Variants in PTPRD observed in about 807,000 individuals in gnomAD.
PTPRD encodes the protein protein tyrosine phosphatase receptor type D.
In PTPRD, 34 loss-of-function variants were observed where a neutral mutation model predicts 214.5. The observed-to-expected ratio is 0.16, with a 90% CI of 0.12 to 0.21. The LOEUF (loss-of-function observed/expected upper bound fraction) is 0.21, where lower values mean the gene tolerates loss of function less well. PTPRD is among the 10% of genes least tolerant of loss of function. The probability of loss-of-function intolerance (pLI) is 1.00; values close to 1 mark genes in which losing one functional copy is unlikely to be tolerated. For synonymous variants in PTPRD, 1,128 were observed against 845.7 expected, an observed-to-expected ratio of 1.33 and a Z score of -5.79; for missense variants, 2,545 against 2,398.7, an observed-to-expected ratio of 1.06 and a Z score of -1.27.
chr9:9,536,323 T>A (rs1470362929), intron 8 of PTPRD, among the ~76,000 whole-genome samples: 1 of 152,006 alleles, frequency 6.6e-6, no homozygotes, highest in Non-Finnish European at 1.5e-5. Flanking sequence ...TGGGTATGCT[T>A]ACTGGCAGGT....
At chr9:8,323,102 C>T (rs762974278) in intron 44 of PTPRD, among the ~76,000 whole-genome samples, 2 of 152,128 alleles carry the variant, frequency 1.3e-5, no homozygotes, top group Admixed American at 6.5e-5. Context: ...ATAAATGGAA[C>T]AAGAAAGAAT....
chr9:10,225,858 C>A (rs572938407), intron 3 of PTPRD, among the ~76,000 whole-genome samples: 349 of 152,150 alleles, frequency 2.3e-3, no homozygotes, highest in African/African-American at 7.9e-3. Flanking sequence ...TATCCATCAA[C>A]ATAGATCAAT....
chr9:10,326,446 ATTAG>A (rs1372434606), intron 3 of PTPRD, among the ~76,000 whole-genome samples: 11 of 151,776 alleles, frequency 7.2e-5, no homozygotes, highest in African/African-American at 2.2e-4. Context: ...AATAATAGAA[ATTAG>A]TTAGATATTA....
chr9:9,139,015 A>G, intron 10 of PTPRD, among the ~76,000 whole-genome samples: 1 of 152,124 alleles, frequency 6.6e-6, no homozygotes, highest in East Asian at 1.9e-4. Flanking sequence ...AAAAACATAT[A>G]GACACTAAAT....
At chr9:9,224,391 AAC>A (rs1433005118) in intron 9 of PTPRD, among the ~76,000 whole-genome samples, 1 of 152,014 alleles carries the variant, frequency 6.6e-6, no homozygotes, top group Non-Finnish European at 1.5e-5. Flanking sequence ...CTTCATTTTC[AAC>A]ACAGTTATTC....
chr9:9,647,061 A>G (rs1235963877), intron 7 of PTPRD, among the ~76,000 whole-genome samples: 1 of 152,140 alleles, frequency 6.6e-6, no homozygotes, highest in East Asian at 1.9e-4. Flanking sequence ...ATCTGTGCTT[A>G]ATTCTAAATA....
At chr9:8,913,777 A>G (rs982011851) in intron 11 of PTPRD, among the ~76,000 whole-genome samples, 8 of 152,126 alleles carry the variant, frequency 5.3e-5, no homozygotes, top group African/African-American at 1.7e-4. Context: ...ACGTATACTT[A>G]TTGGTGGACA....
intron 9 of PTPRD, among the ~76,000 whole-genome samples, chr9:9,234,194 T>C (rs758543648): frequency 2.6e-5 from 4 of 152,194 alleles, no homozygotes; most frequent in Non-Finnish European, 4.4e-5. Context: ...TCTGTGCACC[T>C]GCAGGCCCAA....
At chr9:10,156,300 C>G (rs1460959638) in intron 3 of PTPRD, among the ~76,000 whole-genome samples, 2 of 152,038 alleles carry the variant, frequency 1.3e-5, no homozygotes, top group Admixed American at 6.6e-5. Context: ...CTTAACACTG[C>G]CCTAGCTATG....
intron 9 of PTPRD, among the ~76,000 whole-genome samples, chr9:9,323,998 G>A (rs1367159983): frequency 6.6e-6 from 1 of 152,110 alleles, no homozygotes; most frequent in African/African-American, 2.4e-5. Context: ...CTTCATCCAT[G>A]TCCCTACAAA....
intron 3 of PTPRD, among the ~76,000 whole-genome samples, chr9:10,202,336 C>G (rs927200222): frequency 6.6e-6 from 1 of 151,862 alleles, no homozygotes; most frequent in Non-Finnish European, 1.5e-5. Context: ...ACAGAGGCTA[C>G]TGACCTTCTG....
intron 5 of PTPRD, among the ~76,000 whole-genome samples, chr9:9,823,815 G>T (rs537988634): frequency 6.6e-6 from 1 of 152,108 alleles, no homozygotes; most frequent in South Asian, 2.1e-4. Context: ...CAATAGGACA[G>T]CTATAATGAC....
At chr9:10,572,415 G>A (rs2067745572) in intron 2 of PTPRD, among the ~76,000 whole-genome samples, 1 of 152,050 alleles carries the variant, frequency 6.6e-6, no homozygotes, top group Non-Finnish European at 1.5e-5. Flanking sequence ...ATTGTCTTCT[G>A]GACAAATCAT....
chr9:9,718,818 G>A (rs1034324640), intron 7 of PTPRD, among the ~76,000 whole-genome samples: 4 of 152,204 alleles, frequency 2.6e-5, no homozygotes, highest in Admixed American at 1.3e-4. Flanking sequence ...ACAAGCACAG[G>A]AGGGAGGCTG....
chr9:10,524,789 T>C (rs1348038265), intron 2 of PTPRD, among the ~76,000 whole-genome samples: 1 of 152,058 alleles, frequency 6.6e-6, no homozygotes, highest in Non-Finnish European at 1.5e-5. Flanking sequence ...TTCAATTAAA[T>C]TCATACTATT....
At chr9:8,668,670 T>C (rs553008391) in intron 12 of PTPRD, among the ~76,000 whole-genome samples, 30 of 152,222 alleles carry the variant, frequency 2.0e-4, no homozygotes, top group Admixed American at 9.8e-4. Context: ...ACAATAAAAA[T>C]AGTGAAAAAT....
chr9:8,747,895 C>G (rs575613407), intron 11 of PTPRD, among the ~76,000 whole-genome samples: 66 of 152,260 alleles, frequency 4.3e-4, no homozygotes, highest in African/African-American at 1.6e-3. Flanking sequence ...CACTGCAGGC[C>G]ATACATTTCA....
chr9:10,578,120 G>A (rs1328989141), intron 2 of PTPRD, among the ~76,000 whole-genome samples: 1 of 151,926 alleles, frequency 6.6e-6, no homozygotes, highest in Non-Finnish European at 1.5e-5. Context: ...TTGTTGGTTA[G>A]GTTGGTCTCA....
chr9:9,960,165 T>A (rs2094252398), intron 4 of PTPRD, among the ~76,000 whole-genome samples: 1 of 144,436 alleles, frequency 6.9e-6, no homozygotes. Context: ...TGCAAGGACA[T>A]ATTCAAAAAA....
Sources: allele counts gnomAD v4.1 joint callset (sites outside exome capture counted in the v4.1 genomes callset), GRCh38; gene constraint gnomAD v4.1.1; transcripts MANE v1.5; gene names NCBI Gene and HGNC (gene_info 2026-07-23, HGNC 2026-07-21).